The following COA5 variants were observed in gnomAD, a reference collection of about 807,000 sequenced individuals.
COA5 encodes protein C2orf64.
A neutral mutation model predicts 11.8 loss-of-function variants in COA5; 11 were observed. That is an observed-to-expected ratio of 0.93 (90% confidence interval 0.59 to 1.54). COA5 has a LOEUF of 1.54. Ranked by LOEUF, COA5 falls within the 40% of genes most tolerant of loss-of-function variation. COA5 has a pLI of 0.00. For synonymous variants in COA5, 38 were observed against 37.5 expected, an observed-to-expected ratio of 1.01 and a Z score of -0.05; for missense variants, 87 against 89.2, an observed-to-expected ratio of 0.97 and a Z score of 0.10.
In COA5 at chr2:98,608,464, G is replaced by C; in HGVS notation, c.-59C>G. ...TCTCCCACCGCAACACTTGCAACCG[G>C]GTCGGGAGCGAGCGAGGCCCCAGTC... On this transcript the variant is annotated 5_prime_UTR_variant, in exon 1 of 3. Transcript: ENST00000328709. The C allele has an allele frequency of 7.5e-7, 1 of 1,333,612 alleles. No individual in the cohort carries two copies. Among genetic ancestry groups the C allele is most frequent in the South Asian group, 1.2e-5 (1 of 80,566 alleles). The allele number at this position is 1,333,612 out of a possible 1,614,324, so 82.6% of individuals were successfully genotyped here. A position where few individuals can be genotyped will look rare whatever the true frequency, so the allele number is the denominator to read the frequency against.
rs1378251243 is a variant in COA5, at chr2:98,606,771, TCTGGATA to T, written c.99+1529_99+1535del. On this transcript the variant is annotated intron_variant, in intron 1 of 2. Transcript: ENST00000328709. Reference sequence around the variant, plus strand: ...CAACATGGCCTTCCGATGCTGAACGTCTGGATAAAATCCAGTCTCCTCACTCTGACAC... The same window carrying T: ...CAACATGGCCTTCCGATGCTGAACGTAAATCCAGTCTCCTCACTCTGACAC... Among the ~76,000 whole-genome samples, 102 of 152,314 alleles carry T rather than the reference TCTGGATA, an allele frequency of 6.7e-4. 3 individuals are homozygous for T. The East Asian group carries it at 0.011, about 16-fold the overall frequency.
At chr2:98,603,449 C>A (rs1209302181) in intron 2 of COA5, among the ~76,000 whole-genome samples, 1 of 152,118 alleles carries the variant, frequency 6.6e-6, no homozygotes, top group Non-Finnish European at 1.5e-5. Context: ...CCACTGCACT[C>A]CAGCCTGGTG....
rs184346810 is a variant in COA5 at position 98,605,544 on chromosome 2, C to T, written c.100-1353G>A. Among the ~76,000 whole-genome samples, 9 of 152,348 alleles carry T rather than the reference C, an allele frequency of 5.9e-5. No individual in the cohort carries two copies. In the East Asian group the frequency reaches 1.7e-3, roughly 29 times the overall value. On this transcript the variant is annotated intron_variant, in intron 1 of 2. Coordinates refer to ENST00000328709, the MANE Select transcript of COA5 (RefSeq NM_001008215.3). ...GCACAAGGACAAAAGAGAAAGTTCTCTATCTCGTTTAAGCCACTATTATTC... is the reference window on the plus strand; with the variant it reads ...GCACAAGGACAAAAGAGAAAGTTCTTTATCTCGTTTAAGCCACTATTATTC...
rs764469422 is a variant in COA5, at chr2:98,604,280, A to G, written c.100-89T>C. 4.0e-5 allele frequency: 41 copies of G among 1,018,400 alleles called. No homozygotes were observed. The African/African-American group carries it at 4.6e-4, about 11-fold the overall frequency. 63.1% of individuals were successfully genotyped at this position (1,018,400 alleles called of 1,614,324 possible). On this transcript the variant is annotated intron_variant, in intron 1 of 2. Transcript: ENST00000328709. ...TGTCCTTCTGAAAATAGTCCTTTTTAAAAGTGTTAAAGGAGGAAAATAGAA... is the reference window on the plus strand; with the variant it reads ...TGTCCTTCTGAAAATAGTCCTTTTTGAAAGTGTTAAAGGAGGAAAATAGAA...
chr2:98,606,879 C>T (rs1195028919), intron 1 of COA5, among the ~76,000 whole-genome samples: 1 of 152,192 alleles, frequency 6.6e-6, no homozygotes, highest in Non-Finnish European at 1.5e-5. Context: ...AGGACACTAG[C>T]TCCTCTGCGC....
chr2:98,599,464 G>A lies in COA5; in HGVS notation c.*1288C>T, dbSNP rs944687101. 6.6e-6 allele frequency: 1 copy of A among 151,740 alleles called. No individual in the cohort carries two copies. Among genetic ancestry groups the A allele is most frequent in the Non-Finnish European group, 1.5e-5 (1 of 67,950 alleles). 9.4% of individuals were successfully genotyped at this position (151,740 alleles called of 1,614,324 possible). The stretch of plus-strand genomic sequence containing the variant: ...TAGATCACTTATATATATATACATT[G>A]AAAAAAACTATTATTGTCCCTTTCC... On this transcript the variant is annotated 3_prime_UTR_variant, in exon 3 of 3. Transcript: ENST00000328709.
chr2:98,608,369 C>T lies in COA5; in HGVS notation c.37G>A (p.Ala13Thr). The change falls in exon 1 of 3, where the codon GCG becomes ACG. Residue 13 changes from alanine to threonine, a missense_variant. By Grantham distance (58) the Ala-to-Thr change is moderately conservative. Transcript: ENST00000328709. ...AGGTCCTCCTTCAGGCCCGCGCACG[C>T]GCCGCCCTGCGGCTTGTCCTCATAA... ...KYYEDKPQGGACAGLKEDLGA... is the reference protein window; with the variant it reads ...KYYEDKPQGGTCAGLKEDLGA... 6.2e-7 allele frequency: 1 copy of T among 1,608,704 alleles called. No homozygotes were observed.
intron 2 of COA5, among the ~76,000 whole-genome samples, chr2:98,603,775 A>G (rs913170388): frequency 3.9e-5 from 6 of 152,184 alleles, no homozygotes; most frequent in East Asian, 1.9e-4. Context: ...GCTCCACATT[A>G]TATGTTTGTA....
At chr2:98,603,187 G>A (rs1458817768) in intron 2 of COA5, among the ~76,000 whole-genome samples, 1 of 152,124 alleles carries the variant, frequency 6.6e-6, no homozygotes, top group African/African-American at 2.4e-5. Flanking sequence ...GCAAACAAAA[G>A]CATGCTCAAG....
rs768767107 is a variant in COA5 at position 98,604,370 on chromosome 2, TGTAAA to T, written c.100-184_100-180del. Reference sequence around the variant, plus strand: ...GGTGCCTAAAGAATGAAAAAAAAATTGTAAAGTAACTTGGGAACTTTAAGGACACT... The same window carrying T: ...GGTGCCTAAAGAATGAAAAAAAAATTGTAACTTGGGAACTTTAAGGACACT... On this transcript the variant is annotated intron_variant, in intron 1 of 2. Coordinates refer to ENST00000328709, the MANE Select transcript of COA5 (RefSeq NM_001008215.3). The T allele has an allele frequency of 3.0e-4, 179 of 591,776 alleles. 1 individual carries two copies. Among genetic ancestry groups the T allele is most frequent in the Admixed American group, 5.7e-4 (19 of 33,312 alleles). The allele number at this position is 591,776 out of a possible 1,614,324, so 36.7% of individuals were successfully genotyped here.
Position 98,608,314 on chromosome 2 carries a change from A to C in COA5, c.92T>G (p.Val31Gly). ...LGACLLQSDC[V>G]VQEGKSPRQC... Reference sequence around the variant, plus strand: ...AGCGCCCGGCCGCGCTACCTGGACCACACAGTCCGACTGCAGCAGACACGC... The same window carrying C: ...AGCGCCCGGCCGCGCTACCTGGACCCCACAGTCCGACTGCAGCAGACACGC... The change falls in exon 1 of 3, where the codon GTG becomes GGG. Residue 31 changes from valine (V) to glycine (G), a missense_variant. Val to Gly is a moderately radical substitution (Grantham distance 109, BLOSUM62 -3). Coordinates refer to ENST00000328709, the MANE Select transcript of COA5 (RefSeq NM_001008215.3). 2 of 1,603,252 alleles carry C rather than the reference A, an allele frequency of 1.2e-6. No individual in the cohort carries two copies. Among genetic ancestry groups the C allele is most frequent in the South Asian group, 2.2e-5 (2 of 89,684 alleles).
At chr2:98,602,117 A>T (rs1255562893) in intron 2 of COA5, among the ~76,000 whole-genome samples, 1 of 152,224 alleles carries the variant, frequency 6.6e-6, no homozygotes, top group Non-Finnish European at 1.5e-5. Flanking sequence ...AAAAAATTTT[A>T]AAACACAGGA....
intron 1 of COA5, among the ~76,000 whole-genome samples, chr2:98,606,510 C>A (rs997541877): frequency 1.1e-4 from 17 of 152,224 alleles, no homozygotes; most frequent in African/African-American, 4.1e-4. Context: ...GCTGTCCCAA[C>A]CATAATCTCT....
Position 98,608,317 on chromosome 2 carries a change from C to G in COA5, c.89G>C (p.Cys30Ser). The G allele has an allele frequency of 6.2e-7, 1 of 1,604,396 alleles. No individual in the cohort carries two copies. The highest frequency in any genetic ancestry group is 1.1e-5 in the South Asian group (1 of 89,832). ...DLGACLLQSDCVVQEGKSPRQ... is the reference protein window; with the variant it reads ...DLGACLLQSDSVVQEGKSPRQ... ...GCCCGGCCGCGCTACCTGGACCACA[C>G]AGTCCGACTGCAGCAGACACGCGCC... Residue 30 changes from cysteine (C) to serine (S), a missense_variant, in exon 1 of 3, where the codon TGT becomes TCT. Transcript: ENST00000328709.
At chr2:98,608,173 C>A in intron 1 of COA5, 134 bp downstream of exon 1, 2 of 695,548 alleles carry the variant, frequency 2.9e-6, no homozygotes, top group South Asian at 3.2e-5. Context: ...TGCGCACGTT[C>A]AGTGAGCCCG....
At chr2:98,604,403 T>C in intron 1 of COA5, 1 of 544,654 alleles carries the variant, frequency 1.8e-6, no homozygotes, top group South Asian at 2.2e-5. Flanking sequence ...AGGACACTGT[T>C]GAATTCTTGA....
chr2:98,601,186 A>G (rs1482693110), intron 2 of COA5, among the ~76,000 whole-genome samples: 1 of 152,258 alleles, frequency 6.6e-6, no homozygotes, highest in Non-Finnish European at 1.5e-5. Context: ...TGGAGGTTGC[A>G]GTGAGCCAAG....
At position 98,600,037 on chromosome 2, in the gene COA5, A is replaced by G. The variant is rs1700620106; in HGVS notation, c.*715T>C. On this transcript the variant is annotated 3_prime_UTR_variant, in exon 3 of 3. Transcript: ENST00000328709. ...TTGATTTGTGGACCCTGAAAAAGGA[A>G]GTTCTCTCTCTCCCTTTTGAATCAT... 1 of 152,334 alleles carries G rather than the reference A, an allele frequency of 6.6e-6. No individual in the cohort carries two copies. The highest frequency in any genetic ancestry group is 1.5e-5 in the Non-Finnish European group (1 of 68,144). 9.4% of individuals were successfully genotyped at this position (152,334 alleles called of 1,614,324 possible). A position where few individuals can be genotyped will look rare whatever the true frequency, so the allele number is the denominator to read the frequency against.
chr2:98,607,717 G>A (rs772328167), intron 1 of COA5, among the ~76,000 whole-genome samples: 1 of 152,222 alleles, frequency 6.6e-6, no homozygotes, highest in Non-Finnish European at 1.5e-5. Context: ...GGGTGCTGAG[G>A]AGACCTGTGT....
Sources: gnomAD v4.1 joint callset for allele counts (sites outside exome capture counted in the v4.1 genomes callset) on GRCh38, gnomAD v4.1.1 for gene constraint, MANE v1.5 for transcripts, NCBI Gene and HGNC (gene_info 2026-07-23, HGNC 2026-07-21) for gene names.